Variants in IFT81 observed in about 807,000 individuals in gnomAD.
IFT81 encodes intraflagellar transport 81.
Under a neutral mutation model 102.6 loss-of-function variants are expected in IFT81, and 72 were observed. The observed-to-expected ratio is 0.70, with a 90% CI of 0.58 to 0.85. The LOEUF (loss-of-function observed/expected upper bound fraction) is 0.85, where lower values mean the gene tolerates loss of function less well. Ranked by LOEUF, IFT81 falls within the 40% of genes least tolerant of loss-of-function variation. IFT81 has a pLI of 0.00. For missense variants in IFT81, 723 were observed against 787.3 expected, an observed-to-expected ratio of 0.92 and a Z score of 0.98; for synonymous variants, 237 against 242.7, an observed-to-expected ratio of 0.98 and a Z score of 0.22.
rs571014446 is a variant in IFT81 at position 110,148,756 on chromosome 12, A to T, written c.1041+1708A>T. 8.5e-5 allele frequency among the ~76,000 whole-genome samples: 13 copies of T among 152,266 alleles called. No individual in the cohort carries two copies. The South Asian group carries it at 2.5e-3, about 29-fold the overall frequency. On this transcript the variant is annotated intron_variant, in intron 10 of 18. Coordinates refer to ENST00000242591, the MANE Select transcript of IFT81 (RefSeq NM_014055.4). ...CCAAAGTGCTGGGATTACAGGTGTG[A>T]GCCACCGTGCCTGGCCCTGGACTAC... is the stretch of plus-strand genomic sequence containing the variant.
chr12:110,178,447 C>G (rs1321575674), intron 11 of IFT81, among the ~76,000 whole-genome samples: 1 of 150,338 alleles, frequency 6.7e-6, no homozygotes, highest in Non-Finnish European at 1.5e-5. Context: ...AAGAAAAATA[C>G]CAATATGGTA....
intron 18 of IFT81, among the ~76,000 whole-genome samples, chr12:110,210,840 G>A (rs1429213217): frequency 6.6e-6 from 1 of 151,686 alleles, no homozygotes; most frequent in Non-Finnish European, 1.5e-5. Flanking sequence ...CCGATACCTA[G>A]TGTTCAAAAT....
chr12:110,131,924 A>G (rs920892831), intron 4 of IFT81, among the ~76,000 whole-genome samples: 2 of 152,172 alleles, frequency 1.3e-5, no homozygotes, highest in African/African-American at 4.8e-5. Context: ...TGGGTGAGGG[A>G]GTCATAGATG....
intron 12 of IFT81, among the ~76,000 whole-genome samples, chr12:110,180,778 G>T (rs544146543): frequency 2.6e-5 from 4 of 152,290 alleles, no homozygotes; most frequent in African/African-American, 7.2e-5. Flanking sequence ...TGACTTCGGG[G>T]TTATTAATAG....
intron 10 of IFT81, among the ~76,000 whole-genome samples, chr12:110,161,210 G>A (rs976129831): frequency 1.4e-5 from 2 of 145,472 alleles, no homozygotes; most frequent in African/African-American, 2.5e-5. Flanking sequence ...GTACAATCTC[G>A]GCTCACTGCA....
intron 14 of IFT81, chr12:110,203,609 C>T: frequency 2.6e-6 from 1 of 377,480 alleles, no homozygotes; most frequent in Non-Finnish European, 4.9e-6. Context: ...GAATTTTTGG[C>T]TGTTTTATTC....
At chr12:110,209,393 G>T (rs901366133) in intron 18 of IFT81, among the ~76,000 whole-genome samples, 177 bp downstream of exon 18, 1 of 152,146 alleles carries the variant, frequency 6.6e-6, no homozygotes. Flanking sequence ...CAGAAATAAA[G>T]TCACGATGGA....
At chr12:110,191,080 TTG>T in intron 13 of IFT81, 32 bp downstream of exon 13, 1 of 1,580,566 alleles carries the variant, frequency 6.3e-7, no homozygotes, top group East Asian at 2.3e-5. Flanking sequence ...TTTTCTTTTA[TTG>T]TGTAGCTAGA....
chr12:110,135,360 A>G lies in IFT81; in HGVS notation c.619A>G (p.Lys207Glu), dbSNP rs1381306295. 3 of 1,613,074 alleles carry G rather than the reference A, an allele frequency of 1.9e-6. No individual in the cohort carries two copies. Among genetic ancestry groups the G allele is most frequent in the African/African-American group, 2.7e-5 (2 of 74,894 alleles). The change falls in exon 7 of 19, where the codon AAA (lysine) becomes GAA (glutamate). Residue 207 changes from lysine (K) to glutamate (E), a missense_variant. By Grantham distance (56) the Lys-to-Glu change is moderately conservative. Coordinates refer to ENST00000242591, the MANE Select transcript of IFT81 (RefSeq NM_014055.4). ...ETAQNHQWML[K>E]IARQLRVEKE... Reference sequence around the variant, plus strand: ...AGCTCAGAATCATCAATGGATGCTTAAAATAGCAAGGCAACTTCGAGTTGA... The same window carrying G: ...AGCTCAGAATCATCAATGGATGCTTGAAATAGCAAGGCAACTTCGAGTTGA...
intron 18 of IFT81, among the ~76,000 whole-genome samples, chr12:110,213,195 T>C (rs1485906009): frequency 6.6e-6 from 1 of 152,194 alleles, no homozygotes; most frequent in Non-Finnish European, 1.5e-5. Flanking sequence ...TAAGAGTCCA[T>C]ACATTGTTAT....
chr12:110,166,928 A>T (rs918458689), intron 11 of IFT81, among the ~76,000 whole-genome samples: 10 of 152,002 alleles, frequency 6.6e-5, no homozygotes, highest in Non-Finnish European at 1.0e-4. Flanking sequence ...TATCTTGGAA[A>T]AATTTAGGAA....
At chr12:110,175,392 G>C (rs1318244246) in intron 11 of IFT81, among the ~76,000 whole-genome samples, 1 of 152,182 alleles carries the variant, frequency 6.6e-6, no homozygotes, top group Non-Finnish European at 1.5e-5. Context: ...GGTCTGCTCT[G>C]GAGCAGTGCT....
At chr12:110,172,931 CG>C (rs1896819756) in intron 11 of IFT81, among the ~76,000 whole-genome samples, 1 of 129,400 alleles carries the variant, frequency 7.7e-6, no homozygotes, top group Non-Finnish European at 1.7e-5. Context: ...CCGCCCCGTC[CG>C]GGAGGGAGGT....
intron 12 of IFT81, among the ~76,000 whole-genome samples, chr12:110,184,504 G>A (rs951397785): frequency 6.6e-6 from 1 of 152,136 alleles, no homozygotes; most frequent in Non-Finnish European, 1.5e-5. Context: ...ACCGTCTAGT[G>A]CATCTTTGTA....
chr12:110,134,803 AC>A (rs1401858640), intron 5 of IFT81, 144 bp from the exon 6 acceptor site: 3 of 615,340 alleles, frequency 4.9e-6, no homozygotes, highest in African/African-American at 3.9e-5. Context: ...AATAGAAATG[AC>A]CTTCATCCAA....
chr12:110,130,805 G>T (rs938736176), intron 4 of IFT81, among the ~76,000 whole-genome samples: 1 of 151,528 alleles, frequency 6.6e-6, no homozygotes, highest in African/African-American at 2.4e-5. Flanking sequence ...TATATAAAAT[G>T]AGAAAGAGAT....
chr12:110,151,959 A>T (rs180720618), intron 10 of IFT81, among the ~76,000 whole-genome samples: 21 of 152,278 alleles, frequency 1.4e-4, no homozygotes, highest in Admixed American at 1.4e-3. Flanking sequence ...CTTCAGGCTC[A>T]TCCATGTTGT....
chr12:110,142,505 G>A (rs559361338), intron 8 of IFT81, among the ~76,000 whole-genome samples: 12 of 152,050 alleles, frequency 7.9e-5, no homozygotes, highest in Non-Finnish European at 1.8e-4. Flanking sequence ...GGTGCTTTTA[G>A]TAATGTCTTC....
chr12:110,209,736 T>C lies in IFT81; in HGVS notation c.1848+520T>C, dbSNP rs1003468874. Among the ~76,000 whole-genome samples, 3 of 147,404 alleles carry C rather than the reference T, an allele frequency of 2.0e-5. No homozygotes were observed. The South Asian group carries it at 6.4e-4, about 31-fold the overall frequency. ...GTGAGCCGAGATTGCGCCATTGCACTCTAGCCTGGGTGACAGAGCGATACT... is the reference window on the plus strand; with the variant it reads ...GTGAGCCGAGATTGCGCCATTGCACCCTAGCCTGGGTGACAGAGCGATACT... On this transcript the variant is annotated intron_variant, in intron 18 of 18. Transcript: ENST00000242591.
Sources: gnomAD v4.1 joint callset for allele counts (sites outside exome capture counted in the v4.1 genomes callset) on GRCh38, gnomAD v4.1.1 for gene constraint, MANE v1.5 for transcripts, NCBI Gene and HGNC (gene_info 2026-07-23, HGNC 2026-07-21) for gene names.